Variants in RPA3 observed in about 807,000 individuals in gnomAD.
The protein encoded by RPA3 is replication protein A3.
A neutral mutation model predicts 13.7 loss-of-function variants in RPA3; 24 were observed. The ratio of observed to expected loss-of-function variants is 1.75; its 90% CI spans 1.27 to 2.46. The LOEUF (loss-of-function observed/expected upper bound fraction) is 2.46, where lower values mean the gene tolerates loss of function less well. Among genes scored for constraint, RPA3 ranks in the 30% most tolerant of loss-of-function variants. The pLI, the probability that RPA3 is intolerant of heterozygous loss-of-function variation, is 0.00. For synonymous variants in RPA3, 59 were observed against 51.2 expected (o/e 1.15, Z -0.65); for missense variants, 183 against 151.0 (o/e 1.21, Z -1.11).
chr7:7,683,631 C>T (rs7799960), intron 4 of RPA3, among the ~76,000 whole-genome samples: 93,645 of 150,032 alleles, frequency 0.62, 29,347 homozygotes, highest in East Asian at 0.86. Context: ...TTTTCCTTTT[C>T]TTTTTTTTAG....
At chr7:7,674,582 A>C (rs1180022875) in intron 4 of RPA3, among the ~76,000 whole-genome samples, 1 of 152,166 alleles carries the variant, frequency 6.6e-6, no homozygotes, top group Non-Finnish European at 1.5e-5. Flanking sequence ...TGAGGTAAAA[A>C]TAGTGGGGCT....
At chr7:7,637,717 G>A in intron 7 of RPA3, 147 bp downstream of exon 7, 1 of 455,150 alleles carries the variant, frequency 2.2e-6, no homozygotes, top group Non-Finnish European at 3.9e-6. Flanking sequence ...TGTATGTTAT[G>A]TAATTACATA....
At chr7:7,664,676 C>G (rs1159439753) in intron 4 of RPA3, among the ~76,000 whole-genome samples, 1 of 152,168 alleles carries the variant, frequency 6.6e-6, no homozygotes, top group Admixed American at 6.5e-5. Context: ...AAACTCAAGG[C>G]TACCTAGTCT....
intron 1 of RPA3, among the ~76,000 whole-genome samples, chr7:7,716,325 G>A (rs1168545169): frequency 2.0e-5 from 3 of 152,200 alleles, no homozygotes; most frequent in Non-Finnish European, 2.9e-5. Flanking sequence ...AAGTGATACA[G>A]GAGCTCGAAA....
intron 2 of RPA3, among the ~76,000 whole-genome samples, chr7:7,708,260 CT>C (rs965001070): frequency 6.6e-6 from 1 of 152,132 alleles, no homozygotes; most frequent in Non-Finnish European, 1.5e-5. Context: ...TAAAATGAAT[CT>C]TTTCTTCGTG....
chr7:7,694,669 T>G (rs1419794840), intron 2 of RPA3, among the ~76,000 whole-genome samples: 4 of 152,176 alleles, frequency 2.6e-5, no homozygotes, highest in Admixed American at 2.6e-4. Context: ...CTTATTTCAC[T>G]TAACATAATA....
At chr7:7,698,939 C>T (rs184459516) in intron 2 of RPA3, among the ~76,000 whole-genome samples, 195 of 149,382 alleles carry the variant, frequency 1.3e-3, no homozygotes, top group African/African-American at 4.4e-3. Context: ...ACTGAAGTCT[C>T]GACTTCCCTG....
intron 4 of RPA3, among the ~76,000 whole-genome samples, chr7:7,681,599 T>C (rs948373990): frequency 9.9e-5 from 15 of 152,176 alleles, no homozygotes; most frequent in African/African-American, 3.1e-4. Context: ...TATTCCTTCA[T>C]TCAGTAATGA....
intron 2 of RPA3, among the ~76,000 whole-genome samples, chr7:7,697,391 A>G (rs1780347101): frequency 6.6e-6 from 1 of 152,248 alleles, no homozygotes. Context: ...TATGAAACAG[A>G]TAAATTATCC....
chr7:7,641,739 G>A (rs577110903), intron 4 of RPA3: 2 of 152,320 alleles, frequency 1.3e-5, no homozygotes, highest in South Asian at 2.1e-4. Flanking sequence ...TTTTAATTGG[G>A]TATTATAACG....
intron 2 of RPA3, among the ~76,000 whole-genome samples, chr7:7,707,453 T>A (rs1780634480): frequency 6.6e-6 from 1 of 152,214 alleles, no homozygotes; most frequent in South Asian, 2.1e-4. Flanking sequence ...CATTTAAACA[T>A]GTTGAACGTA....
chr7:7,655,454 C>G (rs1038234991), intron 4 of RPA3, among the ~76,000 whole-genome samples: 2 of 152,192 alleles, frequency 1.3e-5, no homozygotes, highest in Non-Finnish European at 2.9e-5. Context: ...GAACCCTATA[C>G]AGTGAAGTTC....
At chr7:7,689,346 T>C (rs1367674584) in intron 2 of RPA3, 2 of 152,180 alleles carry the variant, frequency 1.3e-5, no homozygotes, top group Non-Finnish European at 2.9e-5. Flanking sequence ...AGAGCTAGCT[T>C]GAGACAGAGG....
intron 4 of RPA3, chr7:7,673,372 A>G (rs1243540819): frequency 6.4e-6 from 7 of 1,094,270 alleles, no homozygotes; most frequent in Non-Finnish European, 9.3e-6. Context: ...AGCAGCAGCA[A>G]TGTTTCACTT....
chr7:7,640,234 T>G, intron 5 of RPA3, 86 bp downstream of exon 5: 1 of 1,393,406 alleles, frequency 7.2e-7, no homozygotes, highest in Non-Finnish European at 1.0e-6. Context: ...TCGGAGGCTT[T>G]CCGTCCTTTT....
chr7:7,691,434 G>T (rs937494302), intron 2 of RPA3, among the ~76,000 whole-genome samples: 1 of 152,180 alleles, frequency 6.6e-6, no homozygotes, highest in Non-Finnish European at 1.5e-5. Context: ...TAAAATGATA[G>T]TTTGTATGAT....
intron 1 of RPA3, among the ~76,000 whole-genome samples, chr7:7,717,060 C>CTTT (rs766644906): frequency 0.011 from 1,545 of 141,584 alleles, 46 homozygotes; most frequent in African/African-American, 0.036. Context: ...TTCTTTTTTT[C>CTTT]TTTTTTTTTT....
At position 7,637,045 on chromosome 7, in the gene RPA3, A is replaced by C. The variant is rs28916315; in HGVS notation, c.321T>G (p.His107Gln). 8.7e-6 allele frequency: 14 copies of C among 1,612,958 alleles called. No individual in the cohort carries two copies. Among genetic ancestry groups the C allele is most frequent in the Admixed American group, 3.3e-5 (2 of 59,970 alleles). The change falls in exon 8 of 8, where the codon CAT becomes CAG. Residue 107 changes from histidine (H) to glutamine (Q), a missense_variant. By Grantham distance (24) the His-to-Gln change is conservative. Coordinates refer to ENST00000223129, the MANE Select transcript of RPA3 (RefSeq NM_002947.5). Reference protein sequence around the residue: ...GLYNEAVKIIHDFPQFYPLGI... With the variant: ...GLYNEAVKIIQDFPQFYPLGI... ...CTAAAGGATAAAACTGAGGGAAGTC[A>C]TGGATAATTTTCACAGCTTCATTGT...
intron 4 of RPA3, among the ~76,000 whole-genome samples, chr7:7,653,287 G>T (rs1246834103): frequency 6.6e-6 from 1 of 152,192 alleles, no homozygotes; most frequent in Non-Finnish European, 1.5e-5. Context: ...ATATAAATGT[G>T]TCACTGTATC....
Sources: gnomAD v4.1 joint callset for allele counts (sites outside exome capture counted in the v4.1 genomes callset) on GRCh38, gnomAD v4.1.1 for gene constraint, MANE v1.5 for transcripts, NCBI Gene and HGNC (gene_info 2026-07-23, HGNC 2026-07-21) for gene names.